ADGRL3: variants seen among roughly 807,000 people sequenced by gnomAD.
ADGRL3 encodes adhesion G protein-coupled receptor L3, also known as calcium-independent alpha-latrotoxin receptor 3.
A neutral mutation model predicts 153.5 loss-of-function variants in ADGRL3; 62 were observed. The ratio of observed to expected loss-of-function variants is 0.40; its 90% confidence interval spans 0.33 to 0.50. The LOEUF (loss-of-function observed/expected upper bound fraction) is 0.50, where lower values mean the gene tolerates loss of function less well. Among genes scored for constraint, ADGRL3 ranks in the 20% least tolerant of loss-of-function variants. The probability of loss-of-function intolerance (pLI) is 0.47; values close to 1 mark genes in which losing one functional copy is unlikely to be tolerated. For missense variants in ADGRL3, 1,641 were observed against 1,859.4 expected, an observed-to-expected ratio of 0.88 and a Z score of 2.16; for synonymous variants, 710 against 672.5, an observed-to-expected ratio of 1.06 and a Z score of -0.86.
intron 9 of ADGRL3, among the ~76,000 whole-genome samples, chr4:61,875,059 C>T (rs905830520): frequency 4.6e-5 from 7 of 151,580 alleles, no homozygotes; most frequent in Non-Finnish European, 2.9e-5. Flanking sequence ...CCACCCGCCT[C>T]GGCCTCCCAA....
intron 6 of ADGRL3, among the ~76,000 whole-genome samples, chr4:61,720,932 GTC>G (rs1258108981): frequency 6.6e-6 from 1 of 152,128 alleles, no homozygotes; most frequent in Non-Finnish European, 1.5e-5. Context: ...AGTTATATGA[GTC>G]TTCTACTGTC....
At position 61,895,151 on chromosome 4, in the gene ADGRL3, C is replaced by T. The variant is rs572873759; in HGVS notation, c.1784-580C>T. Among the ~76,000 whole-genome samples, 8 of 152,226 alleles carry T rather than the reference C, an allele frequency of 5.3e-5. No individual in the cohort carries two copies. The South Asian group carries it at 1.7e-3, about 32-fold the overall frequency. ...ACCTCCATGGAGGCACATATCACAT[C>T]ATCTCATCCATGAAATTCTTTAAAA... On this transcript the variant is annotated intron_variant, in intron 10 of 26. Coordinates refer to ENST00000683033, the MANE Select transcript of ADGRL3 (RefSeq NM_001387552.1).
Position 62,077,613 on chromosome 4 carries a change from C to G in ADGRL3, c.*6705C>G, listed in dbSNP as rs1402342408. 1 of 151,882 alleles carries G rather than the reference C, an allele frequency of 6.6e-6. No homozygotes were observed. The highest frequency in any genetic ancestry group is 1.9e-4 in the East Asian group (1 of 5,168). 9.4% of individuals were successfully genotyped at this position (151,882 alleles called of 1,614,324 possible). A position where few individuals can be genotyped will look rare whatever the true frequency, so the allele number is the denominator to read the frequency against. ...GGAACTCAGGATACAGTGACTAGGA[C>G]AGAGTGCATTCTTAGGCTAATTAGT... On this transcript the variant is annotated 3_prime_UTR_variant, in exon 27 of 27. Transcript: ENST00000683033.
intron 9 of ADGRL3, among the ~76,000 whole-genome samples, chr4:61,833,958 C>CTTTTTTTTTTTTTTT (rs113049750): frequency 1.6e-5 from 2 of 123,464 alleles, no homozygotes; most frequent in African/African-American, 2.9e-5. Context: ...AAGGCAGCTT[C>CTTTTTTTTTTTTTTT]TTTTTTTTTT....
intron 4 of ADGRL3, among the ~76,000 whole-genome samples, chr4:61,554,442 C>T (rs986351560): frequency 4.3e-4 from 65 of 152,130 alleles, no homozygotes; most frequent in Admixed American, 7.2e-4. Flanking sequence ...ATGATCCACC[C>T]GCCTCGGCCT....
chr4:61,712,689 T>TATGGTCCATG (rs2096019640), intron 6 of ADGRL3, among the ~76,000 whole-genome samples: 1 of 152,214 alleles, frequency 6.6e-6, no homozygotes, highest in Non-Finnish European at 1.5e-5. Context: ...AGTTTTGACT[T>TATGGTCCATG]ATGGTCCATG....
rs118142682 is a variant in ADGRL3, at chr4:61,581,668, C to T, written c.260-5559C>T. Reference sequence around the variant, plus strand: ...GTGATTTTTAAGCACTACCTTTTAACTCTCAAATTGATGAAGATCACTCTT... The same window carrying T: ...GTGATTTTTAAGCACTACCTTTTAATTCTCAAATTGATGAAGATCACTCTT... On this transcript the variant is annotated intron_variant, in intron 4 of 26. Coordinates refer to ENST00000683033, the MANE Select transcript of ADGRL3 (RefSeq NM_001387552.1). Among the ~76,000 whole-genome samples the T allele has an allele frequency of 4.9e-4, 74 of 152,150 alleles. 2 individuals are homozygous for T. The East Asian group carries it at 0.014, about 28-fold the overall frequency.
At chr4:61,909,960 A>C (rs1438914175) in intron 12 of ADGRL3, among the ~76,000 whole-genome samples, 1 of 152,024 alleles carries the variant, frequency 6.6e-6, no homozygotes, top group Non-Finnish European at 1.5e-5. Flanking sequence ...ATAAATGATA[A>C]TCTCTCTATA....
intron 5 of ADGRL3, among the ~76,000 whole-genome samples, chr4:61,605,551 A>C (rs1181771814): frequency 6.6e-6 from 1 of 152,190 alleles, no homozygotes; most frequent in East Asian, 1.9e-4. Flanking sequence ...ATTATTCCAT[A>C]TTCTATGTGA....
intron 21 of ADGRL3, among the ~76,000 whole-genome samples, chr4:62,001,577 G>A (rs940947591): frequency 6.6e-6 from 1 of 152,086 alleles, no homozygotes; most frequent in African/African-American, 2.4e-5. Context: ...TGGTTGTAAA[G>A]AAATCAGCAG....
chr4:61,441,885 C>A (rs542424988), intron 2 of ADGRL3, among the ~76,000 whole-genome samples: 2 of 152,186 alleles, frequency 1.3e-5, no homozygotes, highest in Admixed American at 1.3e-4. Context: ...ATATTTTATG[C>A]TACCCAGTGA....
At chr4:61,264,709 G>C (rs2092741790) in intron 1 of ADGRL3, among the ~76,000 whole-genome samples, 1 of 151,938 alleles carries the variant, frequency 6.6e-6, no homozygotes, top group African/African-American at 2.4e-5. Flanking sequence ...GTAGAGAATT[G>C]TCATTTAGAG....
chr4:61,398,555 G>T (rs1364747974), intron 2 of ADGRL3, among the ~76,000 whole-genome samples: 2 of 151,584 alleles, frequency 1.3e-5, no homozygotes, highest in Non-Finnish European at 3.0e-5. Context: ...TTAACCTGAT[G>T]TATTACTTGG....
At chr4:61,855,788 A>G (rs1275471764) in intron 9 of ADGRL3, among the ~76,000 whole-genome samples, 1 of 152,066 alleles carries the variant, frequency 6.6e-6, no homozygotes, top group Non-Finnish European at 1.5e-5. Context: ...TTCAGCCACT[A>G]TTTATTGAAT....
intron 17 of ADGRL3, among the ~76,000 whole-genome samples, chr4:61,963,671 C>T (rs1416876183): frequency 6.6e-6 from 1 of 152,078 alleles, no homozygotes; most frequent in Non-Finnish European, 1.5e-5. Context: ...CATTAATGGG[C>T]ATCTAGGTTG....
intron 4 of ADGRL3, among the ~76,000 whole-genome samples, chr4:61,525,060 T>C (rs1324418260): frequency 6.6e-6 from 1 of 152,060 alleles, no homozygotes; most frequent in Non-Finnish European, 1.5e-5. Flanking sequence ...AATCTGTTGC[T>C]AGCAAGAGAA....
At chr4:61,238,483 G>A (rs1390742956) in intron 1 of ADGRL3, among the ~76,000 whole-genome samples, 23 of 151,318 alleles carry the variant, frequency 1.5e-4, no homozygotes, top group East Asian at 2.0e-4. Context: ...GTGTATGCAC[G>A]TGTGTATTTC....
At chr4:61,661,796 C>CA (rs1486230645) in intron 5 of ADGRL3, among the ~76,000 whole-genome samples, 2 of 151,884 alleles carry the variant, frequency 1.3e-5, no homozygotes, top group Admixed American at 1.3e-4. Context: ...TAATAAAATA[C>CA]AAAAAATGAG....
In ADGRL3 at chr4:62,044,558, A is replaced by C; in HGVS notation, c.3814+9A>C. The C allele has an allele frequency of 6.5e-7, 1 of 1,532,054 alleles. No homozygotes were observed. The highest frequency in any genetic ancestry group is 8.9e-7 in the Non-Finnish European group (1 of 1,127,228). 94.9% of individuals were successfully genotyped at this position (1,532,054 alleles called of 1,614,324 possible). On this transcript the variant is annotated intron_variant, in intron 25 of 26. Coordinates refer to ENST00000683033, the MANE Select transcript of ADGRL3 (RefSeq NM_001387552.1). Reference sequence around the variant, plus strand: ...AGCGTCACTCAACAGAGGTAATTAGAAATAATTTTTCATATTTATTACTTT... The same window carrying C: ...AGCGTCACTCAACAGAGGTAATTAGCAATAATTTTTCATATTTATTACTTT...
Sources: allele counts gnomAD v4.1 joint callset (sites outside exome capture counted in the v4.1 genomes callset), GRCh38; gene constraint gnomAD v4.1.1; transcripts MANE v1.5; gene names NCBI Gene and HGNC (gene_info 2026-07-23, HGNC 2026-07-21).